DMBT1: variants seen among roughly 807,000 people sequenced by gnomAD.
DMBT1 encodes the protein deleted in malignant brain tumors 1, also known as scavenger receptor cysteine-rich domain-containing protein DMBT1.
Under a neutral mutation model 252.9 loss-of-function variants are expected in DMBT1, and 198 were observed. That is an observed-to-expected ratio of 0.78 (90% CI 0.70 to 0.88). The LOEUF is 0.88. Ranked by LOEUF, DMBT1 falls within the 40% of genes least tolerant of loss-of-function variation. The pLI is 0.00. For missense variants in DMBT1, 2,432 were observed against 2,404.7 expected (o/e 1.01, Z -0.24); for synonymous variants, 990 against 942.7 (o/e 1.05, Z -0.92).
At chr10:122,637,434 G>A (rs556652331) in intron 54 of DMBT1, 122 bp downstream of exon 54, 3 of 1,138,486 alleles carry the variant, frequency 2.6e-6, no homozygotes, top group African/African-American at 3.1e-5. Flanking sequence ...GGACATAATT[G>A]GAATAAAGGA....
In DMBT1 at chr10:122,598,889, C is replaced by G. The variant is rs755805911; in HGVS notation, c.3072C>G (p.Thr1024=). ...WGTVCDDSWD[T]NDANVVCRQL... is the part of the protein sequence containing the mutation. ...CCGTGTGCGATGACAGCTGGGACAC[C>G]AATGATGCCAATGTCGTCTGCAGGC... Residue 1024 remains threonine, a synonymous_variant, in exon 26 of 56, where the codon ACC becomes ACG. Transcript: ENST00000338354. The G allele has an allele frequency of 6.2e-7, 1 of 1,613,810 alleles. No homozygotes were observed. Among genetic ancestry groups the G allele is most frequent in the Non-Finnish European group, 8.5e-7 (1 of 1,179,772 alleles).
chr10:122,580,172 G>C (rs1307672830), intron 10 of DMBT1, among the ~76,000 whole-genome samples: 1 of 152,178 alleles, frequency 6.6e-6, no homozygotes, highest in African/African-American at 2.4e-5. Flanking sequence ...CGGCTCCCCA[G>C]GGCTCCATTT....
chr10:122,641,925 T>C (rs868753332), intron 55 of DMBT1, among the ~76,000 whole-genome samples: 12 of 152,014 alleles, frequency 7.9e-5, no homozygotes, highest in Admixed American at 2.0e-4. Context: ...CCATACATTC[T>C]CTGTTTGGCC....
chr10:122,599,015 G>C lies in DMBT1; in HGVS notation c.3198G>C (p.Glu1066Asp), dbSNP rs763600757. ...ATGATGTGCGCTGCTCAGGACACGAGTCTTACCTGTGGAGCTGCCCCCACA... is the reference window on the plus strand; with the variant it reads ...ATGATGTGCGCTGCTCAGGACACGACTCTTACCTGTGGAGCTGCCCCCACA... Reference protein sequence around the residue: ...VLDDVRCSGHESYLWSCPHNG... With the variant: ...VLDDVRCSGHDSYLWSCPHNG... The change falls in exon 26 of 56, where the codon GAG (glutamate) becomes GAC (aspartate). Residue 1066 changes from glutamate (E) to aspartate (D), a missense_variant. Around this residue, in one of 3 missense-constraint regions of DMBT1, gnomAD observed 1,264 missense variants for 1,082.2 expected, o/e 1.17. Transcript: ENST00000338354. The C allele has an allele frequency of 1.2e-6, 2 of 1,613,814 alleles. No individual in the cohort carries two copies. The highest frequency in any genetic ancestry group is 1.7e-6 in the Non-Finnish European group (2 of 1,179,738).
In DMBT1 at chr10:122,634,430, TTCTCTCTCTCTCTCTCTCTC is replaced by T. The variant is rs764559052; in HGVS notation, c.6548+1121_6548+1140del. 2.0e-3 allele frequency among the ~76,000 whole-genome samples: 147 copies of T among 74,226 alleles called. 3 individuals are homozygous for T. Among genetic ancestry groups the T allele is most frequent in the African/African-American group, 5.6e-3 (117 of 20,850 alleles). 48.7% of individuals were successfully genotyped at this position (74,226 alleles called of 152,430 possible). ...CTTTCTTTCTCTCTCTCTCTCTCTC[TTCTCTCTCTCTCTCTCTCTC>T]TCTCTCTCTCTCTCTCTCTCTCTCT... On this transcript the variant is annotated intron_variant, in intron 52 of 55. Transcript: ENST00000338354.
intron 17 of DMBT1, among the ~76,000 whole-genome samples, chr10:122,589,744 G>A (rs1231027174): frequency 6.7e-6 from 1 of 148,328 alleles, no homozygotes; most frequent in East Asian, 2.1e-4. Context: ...AAGGGAGGAA[G>A]CAAGAGAGGG....
chr10:122,586,244 G>A lies in DMBT1; in HGVS notation c.1644G>A (p.Arg548=), dbSNP rs570533238. 9 of 1,588,776 alleles carry A rather than the reference G, an allele frequency of 5.7e-6. 1 individual carries two copies. Among genetic ancestry groups the A allele is most frequent in the Non-Finnish European group, 7.7e-6 (9 of 1,165,986 alleles). ...CCATGTTGGCCCCAGGAAATGCCCGGTTTGGTCAGGGCTCAGGACCCATTG... is the reference window on the plus strand; with the variant it reads ...CCATGTTGGCCCCAGGAAATGCCCGATTTGGTCAGGGCTCAGGACCCATTG... ...GWAMLAPGNA[R]FGQGSGPIVL... The change falls in exon 16 of 56, where the codon CGG becomes CGA. Residue 548 remains arginine (R), a synonymous_variant. Coordinates refer to ENST00000338354, the MANE Select transcript of DMBT1 (RefSeq NM_001377530.1).
intron 10 of DMBT1, among the ~76,000 whole-genome samples, chr10:122,580,254 C>G (rs528832794): frequency 6.6e-6 from 1 of 152,168 alleles, no homozygotes; most frequent in Non-Finnish European, 1.5e-5. Flanking sequence ...GGAGGGATCC[C>G]CTCACTGCGA....
rs1381447710 is a variant in DMBT1, at chr10:122,579,870, C to A, written c.972C>A (p.Gly324=). ...PHNGWLTHNC[G]HSEDAGVICS... ...ATGGCTGGCTCACCCACAACTGTGG[C>A]CATAGTGAAGACGCTGGTGTCATCT... Residue 324 remains glycine (G), a synonymous_variant, in exon 10 of 56, where the codon GGC becomes GGA. Transcript: ENST00000338354. The A allele has an allele frequency of 1.2e-6, 2 of 1,613,814 alleles. No individual in the cohort carries two copies. The highest frequency in any genetic ancestry group is 1.1e-5 in the South Asian group (1 of 91,068).
chr10:122,636,994 C>T (rs768113894), intron 53 of DMBT1, 134 bp from the exon 54 acceptor site: 26 of 762,984 alleles, frequency 3.4e-5, no homozygotes, highest in Non-Finnish European at 5.0e-5. Flanking sequence ...GGTCTATGCC[C>T]ACATCCTAAG....
At position 122,566,004 on chromosome 10, in the gene DMBT1, C is replaced by CT. The variant is rs1339729165; in HGVS notation, c.91+12dup. On this transcript the variant is annotated intron_variant, in intron 2 of 55. Transcript: ENST00000338354. ...CAAGGACTACAGACTACGGTAAGAC[C>CT]TTTTCTTCACTCCTCTTCCCTGGTG... 5 of 1,613,734 alleles carry CT rather than the reference C, an allele frequency of 3.1e-6. No homozygotes were observed. Among genetic ancestry groups the CT allele is most frequent in the African/African-American group, 2.7e-5 (2 of 74,936 alleles).
rs375865088 is a variant in DMBT1, at chr10:122,631,013, G to A, written c.6078G>A (p.Gly2026=). 1 of 1,613,028 alleles carries A rather than the reference G, an allele frequency of 6.2e-7. No individual in the cohort carries two copies. Among genetic ancestry groups the A allele is most frequent in the African/African-American group, 1.3e-5 (1 of 74,898 alleles). Residue 2026 remains glycine (G), a synonymous_variant, in exon 49 of 56, where the codon GGG becomes GGA. Transcript: ENST00000338354. ...NLNSSYGLCA[G]RVEIYHGGTW... The stretch of plus-strand genomic sequence containing the variant: ...ATTCATCCTATGGTCTATGTGCCGG[G>A]CGTGTAGAAATTTACCATGGTGGCA...
At chr10:122,617,191 G>A (rs2097994514) in intron 39 of DMBT1, 37 bp from the exon 40 acceptor site, 1 of 1,602,310 alleles carries the variant, frequency 6.2e-7, no homozygotes, top group South Asian at 1.1e-5. Context: ...TTCCCTTCAA[G>A]TCTAATTCTG....
chr10:122,586,462 A>G, intron 16 of DMBT1, 79 bp downstream of exon 16: 1 of 1,535,718 alleles, frequency 6.5e-7, no homozygotes, highest in Admixed American at 1.9e-5. Context: ...TAATCTCCTC[A>G]CTTAGAGCTT....
intron 10 of DMBT1, among the ~76,000 whole-genome samples, chr10:122,580,566 T>A (rs1275713620): frequency 6.6e-6 from 1 of 152,152 alleles, no homozygotes; most frequent in Admixed American, 6.5e-5. Context: ...AGTGGCTTCC[T>A]CAGCCTTGCT....
At chr10:122,625,422 C>T in intron 45 of DMBT1, 119 bp downstream of exon 45, 1 of 966,808 alleles carries the variant, frequency 1.0e-6, no homozygotes, top group Non-Finnish European at 1.6e-6. Context: ...TCTCTGAGGA[C>T]TCTGATCTTT....
chr10:122,633,057 C>T, intron 51 of DMBT1, 134 bp from the exon 52 acceptor site: 1 of 1,487,862 alleles, frequency 6.7e-7, no homozygotes, highest in South Asian at 1.3e-5. Flanking sequence ...TAGGCCACCT[C>T]TTGCTCTTAC....
rs752177176 is a variant in DMBT1 at position 122,630,483 on chromosome 10, C to T, written c.6018C>T (p.Phe2006=). 17 of 1,613,810 alleles carry T rather than the reference C, an allele frequency of 1.1e-5. No homozygotes were observed. The highest frequency in any genetic ancestry group is 1.6e-4 in the Middle Eastern group (1 of 6,084). ...GCTTTTTGGCTTGGTATAACTCCTT[C>T]CCAAGCGGTAAGTGCACACTAGACC... ...NTGFLAWYNS[F]PSDATLRLVN... The change falls in exon 48 of 56, where the codon TTC becomes TTT. Residue 2006 remains phenylalanine (F), a synonymous_variant. Transcript: ENST00000338354.
chr10:122,625,359 T>G, intron 45 of DMBT1, 56 bp downstream of exon 45: 24 of 1,542,468 alleles, frequency 1.6e-5, no homozygotes, highest in Non-Finnish European at 2.0e-5. Flanking sequence ...CCACCCTCTC[T>G]TGTTTCCAGA....
Sources: gnomAD v4.1 joint callset for allele counts (sites outside exome capture counted in the v4.1 genomes callset) on GRCh38, gnomAD v4.1.1 for gene constraint, gnomAD v4.1.1 regional missense constraint, MANE v1.5 for transcripts, NCBI Gene and HGNC (gene_info 2026-07-23, HGNC 2026-07-21) for gene names.